Variants in GRID2 observed in about 807,000 individuals in gnomAD.
The protein encoded by GRID2 is glutamate ionotropic receptor delta type subunit 2.
In GRID2, 33 loss-of-function variants were observed where a neutral mutation model predicts 114.8. The ratio of observed to expected loss-of-function variants is 0.29; its 90% CI spans 0.22 to 0.38. The LOEUF is 0.38. Among genes scored for constraint, GRID2 ranks in the 10% least tolerant of loss-of-function variants. The pLI, the probability that GRID2 is intolerant of heterozygous loss-of-function variation, is 1.00. For synonymous variants in GRID2, 505 were observed against 449.9 expected (o/e 1.12, Z -1.55); for missense variants, 1,184 against 1,257.7 (o/e 0.94, Z 0.89).
At chr4:92,444,569 A>G (rs537087148) in intron 1 of GRID2, among the ~76,000 whole-genome samples, 4 of 152,200 alleles carry the variant, frequency 2.6e-5, no homozygotes, top group African/African-American at 7.2e-5. Flanking sequence ...TTCTTTTGTG[A>G]TTCTTCAGTT....
intron 13 of GRID2, among the ~76,000 whole-genome samples, chr4:93,567,112 T>C (rs930211499): frequency 2.0e-5 from 3 of 152,178 alleles, no homozygotes; most frequent in Non-Finnish European, 4.4e-5. Context: ...TAGGAATCTG[T>C]GTGCTAACAA....
chr4:93,192,771 AGAG>A (rs1272981416), intron 4 of GRID2, among the ~76,000 whole-genome samples: 148 of 149,972 alleles, frequency 9.9e-4, no homozygotes, highest in Non-Finnish European at 1.6e-3. Context: ...AAAAAAAAAA[AGAG>A]ATTTCTGTTG....
At chr4:93,768,742 G>A (rs1404306722) in intron 14 of GRID2, among the ~76,000 whole-genome samples, 12 of 152,228 alleles carry the variant, frequency 7.9e-5, no homozygotes, top group Admixed American at 3.9e-4. Flanking sequence ...GTGACATTAC[G>A]CCAGCATCTT....
intron 4 of GRID2, among the ~76,000 whole-genome samples, chr4:93,132,196 G>A (rs1263535933): frequency 1.3e-5 from 2 of 150,886 alleles, no homozygotes; most frequent in Non-Finnish European, 2.9e-5. Context: ...TTGAGGTCAG[G>A]GGCTATTGTA....
intron 1 of GRID2, among the ~76,000 whole-genome samples, chr4:92,394,114 G>A (rs1730381098): frequency 6.6e-6 from 1 of 152,092 alleles, no homozygotes; most frequent in South Asian, 2.1e-4. Flanking sequence ...TAGGTTTTAT[G>A]TGACATTGAA....
intron 2 of GRID2, among the ~76,000 whole-genome samples, chr4:92,743,802 C>T (rs892955751): frequency 2.0e-5 from 3 of 152,138 alleles, no homozygotes; most frequent in South Asian, 2.1e-4. Flanking sequence ...TGCTAGTTCA[C>T]TTTGTTACTG....
At chr4:93,616,182 G>A (rs1316524996) in intron 13 of GRID2, among the ~76,000 whole-genome samples, 2 of 152,082 alleles carry the variant, frequency 1.3e-5, no homozygotes, top group Admixed American at 6.6e-5. Flanking sequence ...TCACAGGTAA[G>A]CAATGTTGTA....
rs568564396 is a variant in GRID2, at chr4:92,700,555, C to T, written c.244+110269C>T. Among the ~76,000 whole-genome samples the T allele has an allele frequency of 7.2e-5, 11 of 152,218 alleles. No homozygotes were observed. In the South Asian group the frequency reaches 1.7e-3, roughly 23 times the overall value. ...TTCCGTTAATTTATTTCCACTTGTT[C>T]ACTTATTCATTAATTTACTCAAAAT... On this transcript the variant is annotated intron_variant, in intron 2 of 15. Transcript: ENST00000282020.
At chr4:93,521,407 T>A (rs1356620372) in intron 13 of GRID2, among the ~76,000 whole-genome samples, 1 of 152,098 alleles carries the variant, frequency 6.6e-6, no homozygotes, top group Non-Finnish European at 1.5e-5. Flanking sequence ...CAGGAAACTA[T>A]CAGCTAGTGA....
chr4:93,408,291 T>C (rs898699948), intron 9 of GRID2, among the ~76,000 whole-genome samples: 3 of 152,178 alleles, frequency 2.0e-5, no homozygotes, highest in Non-Finnish European at 4.4e-5. Context: ...TGCATTTCGA[T>C]ACATGTAATA....
At chr4:92,700,438 A>G (rs1734613458) in intron 2 of GRID2, among the ~76,000 whole-genome samples, 1 of 152,214 alleles carries the variant, frequency 6.6e-6, no homozygotes, top group Non-Finnish European at 1.5e-5. Context: ...TACAATGGAC[A>G]CAAGAGATTT....
intron 1 of GRID2, among the ~76,000 whole-genome samples, chr4:92,529,730 A>G (rs763535987): frequency 2.0e-5 from 3 of 152,148 alleles, no homozygotes; most frequent in Admixed American, 6.6e-5. Context: ...CTGTCAAATT[A>G]TGTTATCAGA....
At chr4:93,505,791 C>T (rs6851153) in intron 12 of GRID2, among the ~76,000 whole-genome samples, 38,225 of 151,588 alleles carry the variant, frequency 0.25, 5,067 homozygotes, top group Non-Finnish European at 0.3. Flanking sequence ...TTTCTGTCAA[C>T]ACTGTCAGAG....
chr4:92,714,512 C>T (rs1735435904), intron 2 of GRID2, among the ~76,000 whole-genome samples: 1 of 152,222 alleles, frequency 6.6e-6, no homozygotes, highest in Non-Finnish European at 1.5e-5. Flanking sequence ...TTCAACCCCA[C>T]ATTTCCCTTC....
intron 1 of GRID2, among the ~76,000 whole-genome samples, chr4:92,411,855 G>A (rs944205992): frequency 3.3e-5 from 5 of 151,094 alleles, no homozygotes; most frequent in African/African-American, 4.9e-5. Flanking sequence ...ACAGGCGCCC[G>A]CCACCACGCC....
chr4:93,131,408 T>C (rs1326243695), intron 4 of GRID2, among the ~76,000 whole-genome samples: 1 of 151,794 alleles, frequency 6.6e-6, no homozygotes, highest in African/African-American at 2.4e-5. Flanking sequence ...TACCTTGGCT[T>C]CCCAAAGTGC....
At chr4:92,809,151 T>A (rs2149377637) in intron 2 of GRID2, among the ~76,000 whole-genome samples, 1 of 152,098 alleles carries the variant, frequency 6.6e-6, no homozygotes, top group Non-Finnish European at 1.5e-5. Flanking sequence ...TTCTTATCCA[T>A]GCCCTTTAGA....
rs1244668492 is a variant in GRID2, at chr4:92,787,207, G to C, written c.244+196921G>C. ...CTAAGTTACTTTGATAAACATAAAA[G>C]ACAAAGATCCCAGACACATCAAGTA... On this transcript the variant is annotated intron_variant, in intron 2 of 15. Transcript: ENST00000282020. Among the ~76,000 whole-genome samples the C allele has an allele frequency of 4.0e-5, 6 of 151,784 alleles. No homozygotes were observed. The East Asian group carries it at 1.2e-3, about 29-fold the overall frequency.
At chr4:93,034,508 T>G (rs1724733997) in intron 2 of GRID2, among the ~76,000 whole-genome samples, 1 of 152,156 alleles carries the variant, frequency 6.6e-6, no homozygotes, top group South Asian at 2.1e-4. Flanking sequence ...CTTTCTCAGG[T>G]GTTATACTGC....
Sources: gnomAD v4.1 joint callset for allele counts (sites outside exome capture counted in the v4.1 genomes callset) on GRCh38, gnomAD v4.1.1 for gene constraint, MANE v1.5 for transcripts, NCBI Gene and HGNC (gene_info 2026-07-23, HGNC 2026-07-21) for gene names.